The following MGAT4C variants were observed in gnomAD, a reference collection of about 807,000 sequenced individuals.
The protein encoded by MGAT4C is MGAT4 family member C, also known as alpha-1,3-mannosyl-glycoprotein 4-beta-N-acetylglucosaminyltransferase C.
In MGAT4C, 19 loss-of-function variants were observed where a neutral mutation model predicts 40.1. The ratio of observed to expected loss-of-function variants is 0.47; its 90% confidence interval spans 0.33 to 0.70. The LOEUF is 0.70. Among genes scored for constraint, MGAT4C ranks in the 30% least tolerant of loss-of-function variants. The pLI, the probability that MGAT4C is intolerant of heterozygous loss-of-function variation, is 0.02. For synonymous variants in MGAT4C, 181 were observed against 187.1 expected (o/e 0.97, Z 0.27); for missense variants, 491 against 563.2 (o/e 0.87, Z 1.30).
At chr12:86,585,100 A>G (rs1035482024) in intron 2 of MGAT4C, among the ~76,000 whole-genome samples, 1 of 151,404 alleles carries the variant, frequency 6.6e-6, no homozygotes, top group African/African-American at 2.4e-5. Context: ...TTTAAAAACT[A>G]AAATTTTAAT....
At chr12:86,808,200 C>G (rs1263587532) in intron 1 of MGAT4C, among the ~76,000 whole-genome samples, 2 of 152,028 alleles carry the variant, frequency 1.3e-5, no homozygotes, top group East Asian at 3.9e-4. Context: ...ACCAGAAATA[C>G]AAAGAGGAGC....
At chr12:86,152,837 T>C (rs562223421) in intron 1 of MGAT4C, among the ~76,000 whole-genome samples, 1 of 152,304 alleles carries the variant, frequency 6.6e-6, no homozygotes, top group African/African-American at 2.4e-5. Context: ...AGTCCAAGTC[T>C]TTCCCTTAAT....
intron 2 of MGAT4C, among the ~76,000 whole-genome samples, chr12:86,692,008 T>G (rs1410809776): frequency 1.3e-5 from 2 of 152,176 alleles, no homozygotes; most frequent in African/African-American, 4.8e-5. Context: ...TTGAATATCA[T>G]ATTAGTCACA....
chr12:86,042,728 C>A (rs112354201), intron 2 of MGAT4C, among the ~76,000 whole-genome samples: 2 of 151,538 alleles, frequency 1.3e-5, no homozygotes, highest in East Asian at 3.9e-4. Context: ...ATTAGCTGGG[C>A]GTGGTGGCAG....
At chr12:86,558,643 ATAAG>A (rs1257020449) in intron 2 of MGAT4C, among the ~76,000 whole-genome samples, 4 of 152,072 alleles carry the variant, frequency 2.6e-5, no homozygotes, top group African/African-American at 7.2e-5. Context: ...TAGGAAATGC[ATAAG>A]TGAGTCCTAT....
intron 3 of MGAT4C, among the ~76,000 whole-genome samples, chr12:86,343,432 T>C (rs1954944350): frequency 6.6e-6 from 1 of 152,228 alleles, no homozygotes; most frequent in Non-Finnish European, 1.5e-5. Context: ...TTTAGTTATT[T>C]GAGCATATTG....
At chr12:86,787,222 T>A (rs1013663709) in intron 1 of MGAT4C, among the ~76,000 whole-genome samples, 1 of 152,168 alleles carries the variant, frequency 6.6e-6, no homozygotes, top group Non-Finnish European at 1.5e-5. Flanking sequence ...TAGCTCTCAC[T>A]TATAAGTGAG....
At chr12:86,020,131 C>G (rs1889540814) in intron 2 of MGAT4C, among the ~76,000 whole-genome samples, 2 of 152,142 alleles carry the variant, frequency 1.3e-5, no homozygotes, top group Non-Finnish European at 2.9e-5. Flanking sequence ...ATCATGTCAT[C>G]TGCAAACAGG....
chr12:86,718,093 C>T (rs540032914), intron 2 of MGAT4C, among the ~76,000 whole-genome samples: 2 of 152,250 alleles, frequency 1.3e-5, no homozygotes, highest in African/African-American at 4.8e-5. Context: ...ACTAATGATG[C>T]TGTTAAATAG....
chr12:85,956,121 A>G lies in MGAT4C; in HGVS notation c.*23168T>C, dbSNP rs1882779984. 1 of 152,220 alleles carries G rather than the reference A, an allele frequency of 6.6e-6. No individual in the cohort carries two copies. The allele number at this position is 152,220 out of a possible 1,614,324, so 9.4% of individuals were successfully genotyped here. On this transcript the variant is annotated 3_prime_UTR_variant, in exon 5 of 5. Transcript: ENST00000611864. ...TTTCAATAACAAAAGATATATTTGT[A>G]TGGTAGCTAGTTTAATTGGATTTGT...
intron 1 of MGAT4C, among the ~76,000 whole-genome samples, chr12:86,215,721 A>T (rs552115076): frequency 6.6e-6 from 1 of 151,864 alleles, no homozygotes; most frequent in Admixed American, 6.6e-5. Context: ...CCTCGGATAA[A>T]CTCTGCTAAA....
intron 2 of MGAT4C, among the ~76,000 whole-genome samples, chr12:86,671,202 T>A (rs1229415042): frequency 1.3e-5 from 2 of 152,238 alleles, no homozygotes; most frequent in African/African-American, 4.8e-5. Context: ...CTCATGTTAG[T>A]TATGTTTAGA....
At position 86,510,943 on chromosome 12, in the gene MGAT4C, G is replaced by T. The variant is rs541278828; in HGVS notation, c.-228-75678C>A. Among the ~76,000 whole-genome samples the T allele has an allele frequency of 2.0e-5, 3 of 151,738 alleles. No individual in the cohort carries two copies. In the East Asian group the frequency reaches 5.8e-4, roughly 29 times the overall value. On this transcript the variant is annotated intron_variant, in intron 2 of 7. Transcript: ENST00000548651. ...ATTAGACAGATCAACGAGACAGAAA[G>T]TCAACAAGGATACCCAGGAATTGAA...
At chr12:86,814,464 CATA>C (rs1483911251) in intron 1 of MGAT4C, among the ~76,000 whole-genome samples, 1 of 150,014 alleles carries the variant, frequency 6.7e-6, no homozygotes, top group African/African-American at 2.4e-5. Flanking sequence ...ACTGAATTCT[CATA>C]ATTATATTAA....
intron 2 of MGAT4C, among the ~76,000 whole-genome samples, chr12:86,496,048 A>G (rs933080196): frequency 1.7e-4 from 26 of 149,806 alleles, no homozygotes; most frequent in African/African-American, 6.2e-4. Flanking sequence ...TACCTCCTTC[A>G]CTACAGCACC....
intron 2 of MGAT4C, among the ~76,000 whole-genome samples, chr12:86,708,273 T>C (rs1349773544): frequency 6.6e-6 from 1 of 152,218 alleles, no homozygotes; most frequent in Admixed American, 6.5e-5. Flanking sequence ...GCCTCAAGCC[T>C]TGGCAGCTTC....
intron 1 of MGAT4C, among the ~76,000 whole-genome samples, chr12:86,100,564 T>C (rs1022142858): frequency 1.3e-5 from 2 of 151,512 alleles, no homozygotes; most frequent in African/African-American, 4.8e-5. Context: ...AAAAATATAA[T>C]GTTATGGAAA....
intron 1 of MGAT4C, among the ~76,000 whole-genome samples, chr12:86,073,129 T>C (rs1008537476): frequency 5.9e-5 from 9 of 152,062 alleles, no homozygotes; most frequent in Admixed American, 3.9e-4. Context: ...ACACTGTTGT[T>C]GTGGTAGTGA....
intron 2 of MGAT4C, among the ~76,000 whole-genome samples, chr12:86,635,720 C>T (rs1194952994): frequency 6.6e-6 from 1 of 151,660 alleles, no homozygotes; most frequent in African/African-American, 2.4e-5. Flanking sequence ...TTTGCCCAGG[C>T]TGGAGTTCCA....
Sources: gnomAD v4.1 joint callset for allele counts (sites outside exome capture counted in the v4.1 genomes callset) on GRCh38, gnomAD v4.1.1 for gene constraint, MANE v1.5 for transcripts, NCBI Gene and HGNC (gene_info 2026-07-23, HGNC 2026-07-21) for gene names.